The following CLXN variants were observed in gnomAD, a reference collection of about 807,000 sequenced individuals.
The protein encoded by CLXN is calaxin, also known as EF-hand calcium binding domain 1.
chr8:48,715,415 C>CA, the CLXN span: 2 of 152,194 alleles, frequency 1.3e-5, no homozygotes, highest in African/African-American at 4.8e-5. Flanking sequence ...AAAGCACCCC[C>CA]AAACCAAGGA....
chr8:48,731,834 T>TA, the CLXN span, among the ~76,000 whole-genome samples: 1 of 152,152 alleles, frequency 6.6e-6, no homozygotes, highest in African/African-American at 2.4e-5. Flanking sequence ...TAAAGAATGG[T>TA]AACTTTTTCT....
At chr8:48,726,112 CTCCA>C in the CLXN span, among the ~76,000 whole-genome samples, 45,146 of 111,248 alleles carry the variant, frequency 0.41, 11,341 homozygotes, top group Non-Finnish European at 0.54. Flanking sequence ...TACCCACCCA[CTCCA>C]TCCATCCATC....
chr8:48,730,480 T>A, the CLXN span: 1 of 1,160,102 alleles, frequency 8.6e-7, no homozygotes, highest in Non-Finnish European at 1.2e-6. Flanking sequence ...GACACTGATT[T>A]AAGTGCTTTA....
chr8:48,726,802 TCATCCATCCATC>T, the CLXN span, among the ~76,000 whole-genome samples: 1 of 126,586 alleles, frequency 7.9e-6, no homozygotes, highest in African/African-American at 3.0e-5. Context: ...ACCCAGTTCA[TCATCCATCCATC>T]CATCCATCCA....
the CLXN span, among the ~76,000 whole-genome samples, chr8:48,719,653 A>G: frequency 2.0e-5 from 3 of 152,206 alleles, no homozygotes; most frequent in African/African-American, 7.2e-5. Flanking sequence ...CAATAACAAA[A>G]AGGAAAGTAA....
chr8:48,731,609 G>A, the CLXN span: 4 of 889,496 alleles, frequency 4.5e-6, no homozygotes, highest in South Asian at 2.2e-5. Context: ...ACATCAAATA[G>A]GTAATTGTCA....
At chr8:48,715,156 A>G in the CLXN span, 1 of 152,264 alleles carries the variant, frequency 6.6e-6, no homozygotes, top group Admixed American at 6.5e-5. Flanking sequence ...CCAGAATATT[A>G]ATCAATATTT....
chr8:48,730,070 A>G, the CLXN span: 1 of 451,404 alleles, frequency 2.2e-6, no homozygotes, highest in Non-Finnish European at 3.8e-6. Flanking sequence ...CTCAATTATG[A>G]AAAAGCATAC....
chr8:48,724,122 G>GA, the CLXN span: 1 of 152,162 alleles, frequency 6.6e-6, no homozygotes. Context: ...GGCAGACAAA[G>GA]ATGTGGTGGA....
the CLXN span, chr8:48,710,865 G>T: frequency 6.6e-6 from 1 of 152,214 alleles, no homozygotes; most frequent in Non-Finnish European, 1.5e-5. Flanking sequence ...ATCCTGCTTT[G>T]CCTGGGACAA....
the CLXN span, chr8:48,730,068 T>G: frequency 6.6e-6 from 3 of 452,302 alleles, no homozygotes; most frequent in Non-Finnish European, 3.8e-6. Flanking sequence ...TTCTCAATTA[T>G]GAAAAAGCAT....
chr8:48,727,244 AT>A, the CLXN span, among the ~76,000 whole-genome samples: 117 of 143,366 alleles, frequency 8.2e-4, 1 homozygote, highest in South Asian at 5.5e-3. Flanking sequence ...CCATCCATCC[AT>A]CCATCCATCC....
At chr8:48,712,665 T>C in the CLXN span, among the ~76,000 whole-genome samples, 1 of 152,166 alleles carries the variant, frequency 6.6e-6, no homozygotes, top group Non-Finnish European at 1.5e-5. Context: ...TCATTAAGGA[T>C]GCCTCCATTA....
At chr8:48,714,390 C>G in the CLXN span, among the ~76,000 whole-genome samples, 1 of 152,138 alleles carries the variant, frequency 6.6e-6, no homozygotes, top group Non-Finnish European at 1.5e-5. Context: ...GAGATGTGTT[C>G]TAGATATATT....
At chr8:48,722,933 C>T in the CLXN span, among the ~76,000 whole-genome samples, 3 of 151,868 alleles carry the variant, frequency 2.0e-5, no homozygotes, top group African/African-American at 7.3e-5. Context: ...TAAGAGGGAC[C>T]TAAAAGGGAA....
chr8:48,727,688 G>A, the CLXN span, among the ~76,000 whole-genome samples: 1 of 152,118 alleles, frequency 6.6e-6, no homozygotes. Context: ...GAACCCTCTG[G>A]GGGGTTTTGA....
chr8:48,713,134 G>C, the CLXN span, among the ~76,000 whole-genome samples: 2 of 152,166 alleles, frequency 1.3e-5, no homozygotes, highest in Non-Finnish European at 2.9e-5. Flanking sequence ...GGAAAACACT[G>C]CAAGACACCA....
At chr8:48,734,920 G>T in the CLXN span, among the ~76,000 whole-genome samples, 1 of 152,164 alleles carries the variant, frequency 6.6e-6, no homozygotes, top group African/African-American at 2.4e-5. Context: ...CAAGGAGCTG[G>T]CACCCCGGGA....
At chr8:48,721,651 T>C in the CLXN span, among the ~76,000 whole-genome samples, 1 of 152,178 alleles carries the variant, frequency 6.6e-6, no homozygotes, top group South Asian at 2.1e-4. Flanking sequence ...AATCCAAGCA[T>C]CTACAGTCAA....
Sources: gnomAD v4.1 joint callset for allele counts (sites outside exome capture counted in the v4.1 genomes callset) on GRCh38, gnomAD v4.1.1 for gene constraint, MANE v1.5 for transcripts, NCBI Gene and HGNC (gene_info 2026-07-23, HGNC 2026-07-21) for gene names.